Variants in STAG1 observed in about 807,000 individuals in gnomAD.
STAG1 encodes STAG1 cohesin complex component, also known as cohesin subunit SA-1.
A neutral mutation model predicts 170.9 loss-of-function variants in STAG1; 26 were observed. The ratio of observed to expected loss-of-function variants is 0.15; its 90% CI spans 0.11 to 0.21. The LOEUF (loss-of-function observed/expected upper bound fraction) is 0.21, where lower values mean the gene tolerates loss of function less well. Among genes scored for constraint, STAG1 ranks in the 10% least tolerant of loss-of-function variants. The probability of loss-of-function intolerance (pLI) is 1.00; values close to 1 mark genes in which losing one functional copy is unlikely to be tolerated. For synonymous variants in STAG1, 514 were observed against 497.7 expected, an observed-to-expected ratio of 1.03 and a Z score of -0.44; for missense variants, 964 against 1,509.5, an observed-to-expected ratio of 0.64 and a Z score of 5.99.
At chr3:136,366,857 C>T (rs528670084) in intron 25 of STAG1, 86 bp downstream of exon 25, 262 of 1,161,894 alleles carry the variant, frequency 2.3e-4, no homozygotes, top group Non-Finnish European at 2.9e-4. Flanking sequence ...GAAAAGCTGT[C>T]AATTTTAGCT....
intron 1 of STAG1, among the ~76,000 whole-genome samples, chr3:136,684,543 A>G (rs1268079731): frequency 1.3e-5 from 2 of 152,196 alleles, no homozygotes; most frequent in Non-Finnish European, 2.9e-5. Context: ...TGAGGTCCAA[A>G]GTTCGAGACC....
chr3:136,682,889 A>G (rs748702390), intron 1 of STAG1, among the ~76,000 whole-genome samples: 4 of 152,234 alleles, frequency 2.6e-5, no homozygotes, highest in African/African-American at 4.8e-5. Context: ...TAACGGATAA[A>G]TGGATAAAAA....
At chr3:136,501,446 C>A (rs1481548592) in intron 8 of STAG1, among the ~76,000 whole-genome samples, 1 of 152,032 alleles carries the variant, frequency 6.6e-6, no homozygotes, top group Non-Finnish European at 1.5e-5. Flanking sequence ...GACTGATGTC[C>A]TTAAGAAGGG....
chr3:136,405,103 C>T (rs959919741), intron 21 of STAG1, among the ~76,000 whole-genome samples: 1 of 151,910 alleles, frequency 6.6e-6, no homozygotes, highest in African/African-American at 2.4e-5. Flanking sequence ...CATTTTTAGA[C>T]TGGGTTAATA....
At chr3:136,692,470 A>G (rs1451834383) in intron 1 of STAG1, among the ~76,000 whole-genome samples, 1 of 152,066 alleles carries the variant, frequency 6.6e-6, no homozygotes, top group African/African-American at 2.4e-5. Flanking sequence ...CCCTACCTCT[A>G]CTAAAAGTAC....
intron 6 of STAG1, among the ~76,000 whole-genome samples, chr3:136,530,638 G>A (rs190851639): frequency 1.2e-3 from 178 of 152,036 alleles, no homozygotes; most frequent in African/African-American, 2.5e-3. Context: ...ACAAATACAT[G>A]AAAATTAAAA....
At chr3:136,712,372 T>A (rs1213509387) in intron 1 of STAG1, among the ~76,000 whole-genome samples, 2 of 152,076 alleles carry the variant, frequency 1.3e-5, no homozygotes, top group East Asian at 3.9e-4. Flanking sequence ...ACAGGCAAAC[T>A]ACAGAATGGG....
At chr3:136,453,893 C>A (rs2089022735) in intron 13 of STAG1, among the ~76,000 whole-genome samples, 1 of 151,470 alleles carries the variant, frequency 6.6e-6, no homozygotes, top group Non-Finnish European at 1.5e-5. Flanking sequence ...CAATCTCTAC[C>A]AGAAAACGAC....
intron 14 of STAG1, among the ~76,000 whole-genome samples, chr3:136,447,480 CA>C (rs1213990284): frequency 6.6e-6 from 1 of 150,766 alleles, no homozygotes; most frequent in Non-Finnish European, 1.5e-5. Flanking sequence ...AAAAATAAAA[CA>C]ATAAAAAAAG....
chr3:136,517,470 A>C (rs1385680436), intron 7 of STAG1, among the ~76,000 whole-genome samples: 2 of 152,180 alleles, frequency 1.3e-5, no homozygotes, highest in African/African-American at 4.8e-5. Context: ...TTTGAAGTCA[A>C]CAAGTTGTAA....
chr3:136,500,308 A>AC lies in STAG1; in HGVS notation c.829-13_829-12insG. 1.3e-6 allele frequency: 2 copies of AC among 1,530,080 alleles called. No homozygotes were observed. Among genetic ancestry groups the AC allele is most frequent in the Non-Finnish European group, 1.8e-6 (2 of 1,113,946 alleles). The allele number at this position is 1,530,080 out of a possible 1,614,324, so 94.8% of individuals were successfully genotyped here. On this transcript the variant is annotated splice_polypyrimidine_tract_variant and intron_variant, in intron 8 of 33. Transcript: ENST00000383202. The stretch of plus-strand genomic sequence containing the variant: ...TGATTTTCTTGCAGCTGAAATGAAA[A>AC]AATATATATAAGTTGAAATCCTGAT...
At chr3:136,611,169 G>A in intron 3 of STAG1, among the ~76,000 whole-genome samples, 1 of 151,700 alleles carries the variant, frequency 6.6e-6, no homozygotes, top group Non-Finnish European at 1.5e-5. Context: ...TTTTCTTTTA[G>A]ACACAGTTTC....
At chr3:136,457,264 G>A (rs1211478223) in intron 13 of STAG1, among the ~76,000 whole-genome samples, 6 of 152,142 alleles carry the variant, frequency 3.9e-5, no homozygotes, top group Admixed American at 2.0e-4. Flanking sequence ...AAAACCCCTC[G>A]TGGCCTCTGG....
chr3:136,598,707 G>A (rs578008896), intron 4 of STAG1, among the ~76,000 whole-genome samples: 2 of 152,182 alleles, frequency 1.3e-5, no homozygotes, highest in East Asian at 1.9e-4. Context: ...GATTACAGGC[G>A]TGAGCCACCG....
intron 1 of STAG1, among the ~76,000 whole-genome samples, chr3:136,720,554 C>T (rs1393278868): frequency 6.6e-6 from 1 of 152,112 alleles, no homozygotes; most frequent in South Asian, 2.1e-4. Context: ...CTTTGGGAGG[C>T]CGAGGCAGGC....
At chr3:136,748,782 C>T (rs1315026279) in intron 1 of STAG1, among the ~76,000 whole-genome samples, 1 of 152,148 alleles carries the variant, frequency 6.6e-6, no homozygotes, top group Non-Finnish European at 1.5e-5. Flanking sequence ...TACAAACTCC[C>T]TTCTCCCATT....
chr3:136,663,321 C>G (rs76946962), intron 1 of STAG1, among the ~76,000 whole-genome samples: 1 of 151,984 alleles, frequency 6.6e-6, no homozygotes, highest in South Asian at 2.1e-4. Context: ...CTCACAACAA[C>G]CCTATGAAGT....
chr3:136,428,964 G>A (rs186495591), intron 16 of STAG1, among the ~76,000 whole-genome samples: 197 of 152,178 alleles, frequency 1.3e-3, no homozygotes, highest in African/African-American at 2.6e-3. Context: ...GTGAAACCCC[G>A]TATCTACTAA....
intron 22 of STAG1, among the ~76,000 whole-genome samples, chr3:136,378,436 C>T (rs1937733311): frequency 6.6e-6 from 1 of 152,182 alleles, no homozygotes; most frequent in Non-Finnish European, 1.5e-5. Context: ...CTCATGCCTG[C>T]AATCCCAGTG....
Sources: allele counts gnomAD v4.1 joint callset (sites outside exome capture counted in the v4.1 genomes callset), GRCh38; gene constraint gnomAD v4.1.1; transcripts MANE v1.5; gene names NCBI Gene and HGNC (gene_info 2026-07-23, HGNC 2026-07-21).